DRC3: variants seen among roughly 807,000 people sequenced by gnomAD.
DRC3 encodes leucine rich repeat containing 48.
DRC3 carries 45 observed loss-of-function variants against 57.6 expected under a neutral mutation model. The ratio of observed to expected loss-of-function variants is 0.78; its 90% confidence interval spans 0.62 to 1.00. The LOEUF is 1.00. Ranked by LOEUF, DRC3 falls within the 50% of genes least tolerant of loss-of-function variation. The pLI is 0.00. For synonymous variants in DRC3, 257 were observed against 272.3 expected, an observed-to-expected ratio of 0.94 and a Z score of 0.55; for missense variants, 655 against 675.2, an observed-to-expected ratio of 0.97 and a Z score of 0.33.
chr17:18,007,328 G>GGTGGGGCACCCA (rs748176286), intron 12 of DRC3, 181 bp downstream of exon 12: 2 of 1,444,520 alleles, frequency 1.4e-6, no homozygotes, highest in African/African-American at 2.8e-5. Context: ...CAAAGCACCT[G>GGTGGGGCACCCA]GTGGGGCACC....
intron 13 of DRC3, 79 bp downstream of exon 13, chr17:18,016,274 A>G: frequency 7.0e-7 from 1 of 1,436,574 alleles, no homozygotes; most frequent in South Asian, 1.2e-5. Flanking sequence ...GGTAGTGGAT[A>G]GAATTTTCAT....
intron 8 of DRC3, among the ~76,000 whole-genome samples, chr17:17,995,954 T>C (rs1307232962): frequency 6.6e-6 from 1 of 152,222 alleles, no homozygotes; most frequent in Admixed American, 6.5e-5. Flanking sequence ...TTAGTCTGTT[T>C]TCACGCTCCT....
At chr17:18,004,710 T>C (rs2043881555) in intron 10 of DRC3, 2 of 550,246 alleles carry the variant, frequency 3.6e-6, no homozygotes, top group Non-Finnish European at 3.2e-6. Context: ...AGAGGTGAGC[T>C]CATTCTTCTG....
Position 18,011,399 on chromosome 17 carries a change from C to G in DRC3, c.1326+4252C>G. 6.6e-6 allele frequency: 2 copies of G among 303,972 alleles called. 1 individual carries two copies. Among genetic ancestry groups the G allele is most frequent in the South Asian group, 5.4e-5 (2 of 36,866 alleles). The allele number at this position is 303,972 out of a possible 1,614,324, so 18.8% of individuals were successfully genotyped here. The stretch of plus-strand genomic sequence containing the variant: ...AAGTGCTCCAAGGAAGCAGCCACTG[C>G]TGTCAGAGGGATCACTGTCCTGACC... On this transcript the variant is annotated intron_variant, in intron 12 of 13. Transcript: ENST00000399187.
At chr17:17,989,267 T>C (rs2043110965) in intron 5 of DRC3, among the ~76,000 whole-genome samples, 1 of 152,194 alleles carries the variant, frequency 6.6e-6, no homozygotes, top group Non-Finnish European at 1.5e-5. Context: ...GCAGGGTCCC[T>C]GGACGAGGTC....
At chr17:18,006,921 C>A in intron 11 of DRC3, 103 bp from the exon 12 acceptor site, 1 of 1,516,434 alleles carries the variant, frequency 6.6e-7, no homozygotes, top group Non-Finnish European at 8.9e-7. Flanking sequence ...CCAGAATTTC[C>A]GAGCTCGCCT....
Position 18,016,873 on chromosome 17 carries a change from TAAAAA to T in DRC3, c.*214_*218del, listed in dbSNP as rs5819640. 52 of 302,790 alleles carry T rather than the reference TAAAAA, an allele frequency of 1.7e-4. No individual in the cohort carries two copies. Among genetic ancestry groups the T allele is most frequent in the East Asian group, 8.1e-4 (14 of 17,334 alleles). 18.8% of individuals were successfully genotyped at this position (302,790 alleles called of 1,614,324 possible). On this transcript the variant is annotated 3_prime_UTR_variant, in exon 14 of 14. Transcript: ENST00000399187. Reference sequence around the variant, plus strand: ...ACTCATTTCACATTTCCCCTACTCATAAAAAAAAAAAAAAAATCAGCTGGGTGCGG... The same window carrying T: ...ACTCATTTCACATTTCCCCTACTCATAAAAAAAAAAATCAGCTGGGTGCGG...
rs770046460 is a variant in DRC3 at position 17,995,045 on chromosome 17, T to C, written c.758T>C (p.Met253Thr). 1.5e-5 allele frequency: 25 copies of C among 1,613,830 alleles called. No homozygotes were observed. The highest frequency in any genetic ancestry group is 2.0e-5 in the Non-Finnish European group (24 of 1,179,850). ...HLNGSFLFDS[M>T]YAEDSEGNNL... ...AATGGCTCCTTCCTGTTTGACAGCA[T>C]GTACGCTGAGGACTCAGAGGGCAAC... The change falls in exon 8 of 14, where the codon ATG becomes ACG. Residue 253 changes from methionine to threonine, a missense_variant. Coordinates refer to ENST00000399187, the MANE Select transcript of DRC3 (RefSeq NM_031294.4).
chr17:18,001,758 C>A (rs2145393914), intron 9 of DRC3, among the ~76,000 whole-genome samples: 1 of 151,982 alleles, frequency 6.6e-6, no homozygotes, highest in South Asian at 2.1e-4. Context: ...TAGTAAGACC[C>A]CATCTTAAAA....
intron 3 of DRC3, chr17:17,981,333 G>GT: frequency 8.3e-6 from 2 of 240,806 alleles, no homozygotes; most frequent in Non-Finnish European, 1.9e-5. Context: ...AGACGGGACA[G>GT]CCTCTCATGA....
In DRC3 at chr17:18,000,357, A is replaced by AGTGTGTGT. The variant is rs113487468; in HGVS notation, c.999+2741_999+2748dup. Among the ~76,000 whole-genome samples the AGTGTGTGT allele has an allele frequency of 2.7e-3, 178 of 65,328 alleles. 1 individual carries two copies. The highest frequency in any genetic ancestry group is 7.5e-3 in the African/African-American group (152 of 20,194). 42.9% of individuals were successfully genotyped at this position (65,328 alleles called of 152,430 possible). ...CTGTTCTGTACTTTGCTTTCACGTG[A>AGTGTGTGT]GTGTGTGTGTGTGTGTGTGTGTGTG... is the stretch of plus-strand genomic sequence containing the variant. On this transcript the variant is annotated intron_variant, in intron 9 of 13. Transcript: ENST00000399187.
At chr17:17,977,863 TC>T in intron 3 of DRC3, 105 bp downstream of exon 3, 1 of 1,246,632 alleles carries the variant, frequency 8.0e-7, no homozygotes, top group Non-Finnish European at 1.1e-6. Flanking sequence ...CGGTCGAGGT[TC>T]CCACATCAGC....
intron 3 of DRC3, among the ~76,000 whole-genome samples, chr17:17,982,549 G>A (rs185757276): frequency 6.7e-4 from 96 of 143,446 alleles, no homozygotes; most frequent in Non-Finnish European, 1.2e-3. Context: ...TTTCACTTCT[G>A]TATTATTTCA....
rs376503374 is a variant in DRC3 at position 18,003,611 on chromosome 17, T to G, written c.1000-752T>G. Among the ~76,000 whole-genome samples, 11 of 147,604 alleles carry G rather than the reference T, an allele frequency of 7.5e-5. No homozygotes were observed. In the East Asian group the frequency reaches 1.6e-3, roughly 22 times the overall value. On this transcript the variant is annotated intron_variant, in intron 9 of 13. Coordinates refer to ENST00000399187, the MANE Select transcript of DRC3 (RefSeq NM_031294.4). ...AAGAAAAAGGGAGGTCAGGGTGTCC[T>G]CTTTGCATTTTCTGTTTTTAAGTAT...
chr17:17,994,256 G>A (rs781028914), intron 6 of DRC3, 43 bp from the exon 7 acceptor site: 15 of 1,537,054 alleles, frequency 9.8e-6, no homozygotes, highest in South Asian at 3.6e-5. Flanking sequence ...GGTGTGGCTC[G>A]GAGGAACCTC....
At position 17,995,932 on chromosome 17, in the gene DRC3, AC is replaced by A. The variant is rs1239650007; in HGVS notation, c.824+824del. ...AGTCTAGGCTAGGCAATGTAGTGAG[AC>A]CCTATCTGTATTAGTCTGTTTTCAC... On this transcript the variant is annotated intron_variant, in intron 8 of 13. Transcript: ENST00000399187. 3.9e-5 allele frequency among the ~76,000 whole-genome samples: 6 copies of A among 152,338 alleles called. No individual in the cohort carries two copies. In the East Asian group the frequency reaches 1.2e-3, roughly 29 times the overall value.
chr17:18,006,280 A>C, intron 11 of DRC3, 27 bp downstream of exon 11: 3 of 1,544,188 alleles, frequency 1.9e-6, no homozygotes, highest in Non-Finnish European at 2.7e-6. Context: ...GACCTTCCCC[A>C]TGGGGAGGTG....
At chr17:18,000,192 C>CTGTGTG (rs1491126209) in intron 9 of DRC3, among the ~76,000 whole-genome samples, 2 of 50,964 alleles carry the variant, frequency 3.9e-5, no homozygotes, top group African/African-American at 1.6e-4. Context: ...CTTTGCTTTC[C>CTGTGTG]TCTGTGTGTG....
intron 4 of DRC3, among the ~76,000 whole-genome samples, chr17:17,985,643 A>G (rs938159011): frequency 2.0e-5 from 3 of 152,186 alleles, no homozygotes; most frequent in African/African-American, 7.2e-5. Context: ...CTTTGCTTCC[A>G]GGGATGCCAC....
Sources: allele counts gnomAD v4.1 joint callset (sites outside exome capture counted in the v4.1 genomes callset), GRCh38; gene constraint gnomAD v4.1.1; transcripts MANE v1.5; gene names NCBI Gene and HGNC (gene_info 2026-07-23, HGNC 2026-07-21).